The following NLRP12 variants were observed in gnomAD, a reference collection of about 807,000 sequenced individuals.
NLRP12 encodes NACHT, LRR and PYD domains-containing protein 12.
A neutral mutation model predicts 91.2 loss-of-function variants in NLRP12; 108 were observed. That is an observed-to-expected ratio of 1.18 (90% confidence interval 1.01 to 1.39). The LOEUF (loss-of-function observed/expected upper bound fraction) is 1.39, where lower values mean the gene tolerates loss of function less well. NLRP12 is among the 40% of genes most tolerant of loss of function. The pLI is 0.00. For synonymous variants in NLRP12, 613 were observed against 566.7 expected (o/e 1.08, Z -1.16); for missense variants, 1,530 against 1,352.7 (o/e 1.13, Z -2.06).
At chr19:53,823,567 G>C (rs550699202) in intron 1 of NLRP12, among the ~76,000 whole-genome samples, 1 of 132,942 alleles carries the variant, frequency 7.5e-6, no homozygotes, top group South Asian at 2.3e-4. Flanking sequence ...TTAAATATTT[G>C]AGGCAAGGTC....
chr19:53,796,409 A>C (rs1475105709), intron 8 of NLRP12, among the ~76,000 whole-genome samples: 1 of 107,444 alleles, frequency 9.3e-6, no homozygotes, highest in Non-Finnish European at 1.9e-5. Context: ...GAGCCACCAC[A>C]CCCAACTAAT....
intron 7 of NLRP12, 93 bp downstream of exon 7, chr19:53,801,134 A>T: frequency 9.2e-7 from 1 of 1,089,020 alleles, no homozygotes; most frequent in Non-Finnish European, 1.4e-6. Context: ...GCTAGAGTTT[A>T]GGAGCAGAGA....
intron 4 of NLRP12, among the ~76,000 whole-genome samples, 164 bp downstream of exon 4, chr19:53,807,331 A>C (rs369400915): frequency 6.6e-6 from 1 of 152,108 alleles, no homozygotes; most frequent in Admixed American, 6.6e-5. Context: ...ACCTGTCAAC[A>C]TACTGGGATT....
Position 53,804,003 on chromosome 19 carries a change from C to T in NLRP12, c.2534G>A (p.Arg845Lys). 4 of 1,614,146 alleles carry T rather than the reference C, an allele frequency of 2.5e-6. No homozygotes were observed. The highest frequency in any genetic ancestry group is 1.6e-4 in the Middle Eastern group (1 of 6,062). ...TGNALEDLGL[R>K]LLCQGLRHPV... ...GTGCCTCAGTCCCTGGCATAGTAACCTCAGGCCCAAATCCTCCAGTGCATT... is the reference window on the plus strand; with the variant it reads ...GTGCCTCAGTCCCTGGCATAGTAACTTCAGGCCCAAATCCTCCAGTGCATT... Residue 845 changes from arginine to lysine, a missense_variant, in exon 6 of 10, where the codon AGG (arginine) becomes AAG (lysine). Arg to Lys is a conservative substitution (Grantham distance 26, BLOSUM62 2). Coordinates refer to ENST00000324134, the MANE Select transcript of NLRP12 (RefSeq NM_144687.4).
chr19:53,817,603 G>T (rs1396180919), intron 1 of NLRP12, among the ~76,000 whole-genome samples: 1 of 151,602 alleles, frequency 6.6e-6, no homozygotes, highest in Non-Finnish European at 1.5e-5. Context: ...GGGCGTGGTG[G>T]CAGATGCCTG....
intron 7 of NLRP12, among the ~76,000 whole-genome samples, chr19:53,800,867 A>G (rs1183209702): frequency 6.6e-6 from 1 of 152,148 alleles, no homozygotes; most frequent in East Asian, 1.9e-4. Context: ...TTAAGGTGTC[A>G]GCCACCATGC....
chr19:53,795,198 T>G (rs889233770), intron 9 of NLRP12, among the ~76,000 whole-genome samples: 1 of 151,114 alleles, frequency 6.6e-6, no homozygotes, highest in Non-Finnish European at 1.5e-5. Context: ...CGCCATCCCC[T>G]GCACCCAGCC....
intron 8 of NLRP12, 118 bp from the exon 9 acceptor site, chr19:53,796,147 A>G: frequency 4.3e-6 from 4 of 930,158 alleles, no homozygotes; most frequent in East Asian, 2.6e-5. Flanking sequence ...GTTCACTGCA[A>G]CCTCCGCCTC....
chr19:53,809,596 A>G lies in NLRP12; in HGVS notation c.2063T>C (p.Leu688Ser). 6.2e-7 allele frequency: 1 copy of G among 1,610,838 alleles called. No individual in the cohort carries two copies. The highest frequency in any genetic ancestry group is 8.5e-7 in the Non-Finnish European group (1 of 1,179,282). The change falls in exon 3 of 10, where the codon TTG becomes TCG. Residue 688 changes from leucine (L) to serine (S), a missense_variant. Coordinates refer to ENST00000324134, the MANE Select transcript of NLRP12 (RefSeq NM_144687.4). ...CCCCAGGGATACTTACAGCTGCACC[A>G]ACAGCGTGTGCGCTCCTGCGGAGCA... The part of the protein sequence containing the change: ...ARCSAGAHTL[L>S]VQLPERTVLL...
At chr19:53,794,913 C>G (rs2091722014) in intron 9 of NLRP12, among the ~76,000 whole-genome samples, 2 of 152,064 alleles carry the variant, frequency 1.3e-5, no homozygotes. Flanking sequence ...GTTGGCCAGG[C>G]TGGTCTTGAA....
chr19:53,806,194 A>C (rs2122619749), intron 4 of NLRP12, among the ~76,000 whole-genome samples: 2 of 152,028 alleles, frequency 1.3e-5, no homozygotes, highest in Admixed American at 1.3e-4. Flanking sequence ...AGATCATGTC[A>C]CTGCACTCCA....
At chr19:53,796,725 G>A (rs1394541989) in intron 8 of NLRP12, among the ~76,000 whole-genome samples, 1 of 151,838 alleles carries the variant, frequency 6.6e-6, no homozygotes, top group Non-Finnish European at 1.5e-5. Context: ...GGCCGGGCGT[G>A]GTGGCTCACG....
chr19:53,812,866 C>T (rs540554522), intron 2 of NLRP12, among the ~76,000 whole-genome samples: 2 of 148,670 alleles, frequency 1.3e-5, no homozygotes, highest in South Asian at 2.1e-4. Flanking sequence ...CGATGTTGTG[C>T]AATCATCAAT....
intron 9 of NLRP12, among the ~76,000 whole-genome samples, chr19:53,795,100 G>GTGTC (rs2091727530): frequency 2.0e-5 from 1 of 48,874 alleles, no homozygotes; most frequent in Non-Finnish European, 4.0e-5. Flanking sequence ...ACCATACCTG[G>GTGTC]TGTGTGCGTG....
intron 3 of NLRP12, 144 bp downstream of exon 3, chr19:53,809,443 A>C (rs1050458857): frequency 2.6e-6 from 2 of 776,640 alleles, no homozygotes; most frequent in African/African-American, 3.7e-5. Flanking sequence ...AAGCAGGAGA[A>C]TCTCTTGAAC....
intron 3 of NLRP12, 75 bp from the exon 4 acceptor site, chr19:53,807,740 C>T: frequency 6.5e-7 from 1 of 1,536,036 alleles, no homozygotes; most frequent in Non-Finnish European, 9.0e-7. Context: ...TGTCATTTCA[C>T]CGTTTATGAA....
At chr19:53,809,489 C>T in intron 3 of NLRP12, 98 bp downstream of exon 3, 1 of 1,250,568 alleles carries the variant, frequency 8.0e-7, no homozygotes, top group Non-Finnish European at 1.1e-6. Flanking sequence ...TGAGGTCACG[C>T]CAGTGTACTC....
intron 1 of NLRP12, among the ~76,000 whole-genome samples, chr19:53,815,815 T>A (rs1416929950): frequency 6.6e-6 from 1 of 151,806 alleles, no homozygotes; most frequent in Non-Finnish European, 1.5e-5. Context: ...TTTCACCATG[T>A]GGGTCAGGCT....
At chr19:53,796,095 C>G in intron 8 of NLRP12, 66 bp from the exon 9 acceptor site, 1 of 1,444,226 alleles carries the variant, frequency 6.9e-7, no homozygotes, top group Non-Finnish European at 9.7e-7. Flanking sequence ...GAGGCAGTGT[C>G]TCACCCTGTC....
Sources: allele counts gnomAD v4.1 joint callset (sites outside exome capture counted in the v4.1 genomes callset), GRCh38; gene constraint gnomAD v4.1.1; transcripts MANE v1.5; gene names NCBI Gene and HGNC (gene_info 2026-07-23, HGNC 2026-07-21).